Variants in SFI1 observed in about 807,000 individuals in gnomAD.
SFI1 encodes protein SFI1 homolog.
In SFI1, 195 loss-of-function variants were observed where a neutral mutation model predicts 207.5. The ratio of observed to expected loss-of-function variants is 0.94; its 90% CI spans 0.84 to 1.06. The LOEUF (loss-of-function observed/expected upper bound fraction) is 1.06, where lower values mean the gene tolerates loss of function less well. Ranked by LOEUF, SFI1 falls within the 50% of genes least tolerant of loss-of-function variation. The pLI, the probability that SFI1 is intolerant of heterozygous loss-of-function variation, is 0.00. For synonymous variants in SFI1, 630 were observed against 598.9 expected (o/e 1.05, Z -0.76); for missense variants, 1,634 against 1,588.0 (o/e 1.03, Z -0.49).
chr22:31,618,482 A>G lies in SFI1; in HGVS notation c.*64A>G, dbSNP rs2072231276. 1 of 1,398,352 alleles carries G rather than the reference A, an allele frequency of 7.2e-7. No individual in the cohort carries two copies. Among genetic ancestry groups the G allele is most frequent in the East Asian group, 2.6e-5 (1 of 38,960 alleles). The allele number at this position is 1,398,352 out of a possible 1,614,324, so 86.6% of individuals were successfully genotyped here. On this transcript the variant is annotated 3_prime_UTR_variant, in exon 33 of 33. Coordinates refer to ENST00000400288, the MANE Select transcript of SFI1 (RefSeq NM_001007467.3). ...GAGGCCTCAGGCCACCTCCAGGAAC[A>G]GAACACAGTTTTAAGTTTGATTTTT...
In SFI1 at chr22:31,508,273, A is replaced by G; in HGVS notation, c.-12A>G. 5.7e-6 allele frequency: 9 copies of G among 1,586,996 alleles called. No homozygotes were observed. The highest frequency in any genetic ancestry group is 6.1e-6 in the Non-Finnish European group (7 of 1,156,582). On this transcript the variant is annotated 5_prime_UTR_variant, in exon 2 of 33. Transcript: ENST00000400288. ...CTTGTAGTTAGAAGGGGAAGATAAA[A>G]GACTTTGATTCATGAAGAATCTGCT...
chr22:31,551,205 T>C (rs2060591646), intron 6 of SFI1, among the ~76,000 whole-genome samples: 1 of 152,214 alleles, frequency 6.6e-6, no homozygotes. Context: ...TGGTAAGACA[T>C]AGATAAGATC....
chr22:31,519,532 G>T (rs1043759503), intron 2 of SFI1, among the ~76,000 whole-genome samples: 12 of 151,988 alleles, frequency 7.9e-5, no homozygotes, highest in Non-Finnish European at 1.5e-4. Context: ...TGCCTCGTGG[G>T]TTCAAGCAAT....
At chr22:31,559,636 C>T in intron 7 of SFI1, 1 of 716,252 alleles carries the variant, frequency 1.4e-6, no homozygotes, top group South Asian at 1.4e-5. Flanking sequence ...ACGTTGACCT[C>T]ACCAAGTGGG....
intron 6 of SFI1, among the ~76,000 whole-genome samples, chr22:31,551,164 G>A (rs1235775574): frequency 2.0e-5 from 3 of 151,744 alleles, no homozygotes; most frequent in East Asian, 1.9e-4. Flanking sequence ...TTATTTTTTC[G>A]TGCTTCTCAT....
Position 31,604,374 on chromosome 22 carries a change from C to G in SFI1, c.1947C>G (p.Ser649Arg), listed in dbSNP as rs559858464. The change falls in exon 19 of 33, where the codon AGC (serine) becomes AGG (arginine). Residue 649 changes from serine (S) to arginine (R), a missense_variant. Coordinates refer to ENST00000400288, the MANE Select transcript of SFI1 (RefSeq NM_001007467.3). ...GAGCAGACCTGCACCACCAGCACAG[C>G]GTGCTGCACAGGGCGCTGCAGGCAT... ...LMRADLHHQH[S>R]VLHRALQAWV... 7.0e-6 allele frequency: 11 copies of G among 1,570,592 alleles called. No homozygotes were observed. The East Asian group carries it at 2.1e-4, about 30-fold the overall frequency.
intron 15 of SFI1, among the ~76,000 whole-genome samples, chr22:31,597,094 C>T (rs1262342507): frequency 6.6e-6 from 1 of 152,178 alleles, no homozygotes. Context: ...TGAAAACATG[C>T]ACACACAGTA....
chr22:31,509,911 A>ATATTTATT (rs560529392), intron 2 of SFI1, among the ~76,000 whole-genome samples: 1 of 151,384 alleles, frequency 6.6e-6, no homozygotes, highest in Non-Finnish European at 1.5e-5. Flanking sequence ...CATTGTTTTG[A>ATATTTATT]TATTTATTTA....
In SFI1 at chr22:31,502,240, A is replaced by G. The variant is rs1569152237; in HGVS notation, c.-31+5603A>G. On this transcript the variant is annotated intron_variant, in intron 1 of 32. Transcript: ENST00000400288. ...AGGAACTTAAATCTTGTTTGTATCA[A>G]CTACCTTTTATGGTAAAATTGGTCT... Among the ~76,000 whole-genome samples the G allele has an allele frequency of 3.9e-5, 6 of 152,200 alleles. No homozygotes were observed. The South Asian group carries it at 1.2e-3, about 31-fold the overall frequency.
At chr22:31,532,071 T>A (rs1456065164) in intron 4 of SFI1, among the ~76,000 whole-genome samples, 23 of 151,070 alleles carry the variant, frequency 1.5e-4, no homozygotes, top group Admixed American at 1.4e-3. Context: ...AAAAAAAAAA[T>A]AAATGAATAA....
rs572051655 is a variant in SFI1, at chr22:31,584,451, G to A, written c.1346+479G>A. Among the ~76,000 whole-genome samples, 6 of 152,230 alleles carry A rather than the reference G, an allele frequency of 3.9e-5. No individual in the cohort carries two copies. The South Asian group carries it at 6.2e-4, about 16-fold the overall frequency. ...TAAAGGGAAAAATAAAAGTTGCCTG[G>A]CCCCCTCCCTACAAGTAAGAGTAAG... On this transcript the variant is annotated intron_variant, in intron 13 of 32. Coordinates refer to ENST00000400288, the MANE Select transcript of SFI1 (RefSeq NM_001007467.3).
intron 2 of SFI1, among the ~76,000 whole-genome samples, chr22:31,528,333 A>G (rs1263149153): frequency 6.6e-6 from 1 of 151,094 alleles, no homozygotes; most frequent in East Asian, 2.0e-4. Flanking sequence ...CTGAGATGGG[A>G]GGATCACTTG....
Position 31,613,726 on chromosome 22 carries a change from A to G in SFI1, c.2867A>G (p.Glu956Gly), listed in dbSNP as rs1394160901. Reference sequence around the variant, plus strand: ...GCACCCAGCAGGAAAGTGACGTTTGAGGGTCCCCTTCTCAACCGCATTGCT... The same window carrying G: ...GCACCCAGCAGGAAAGTGACGTTTGGGGGTCCCCTTCTCAACCGCATTGCT... ...AIAPSRKVTF[E>G]GPLLNRIAAG... is the part of the protein sequence containing the mutation. The change falls in exon 27 of 33, where the codon GAG becomes GGG. Residue 956 changes from glutamate (E) to glycine (G), a missense_variant. By Grantham distance (98) the Glu-to-Gly change is moderately conservative. Coordinates refer to ENST00000400288, the MANE Select transcript of SFI1 (RefSeq NM_001007467.3). 1.4e-5 allele frequency: 23 copies of G among 1,613,112 alleles called. No homozygotes were observed. Among genetic ancestry groups the G allele is most frequent in the Non-Finnish European group, 1.9e-5 (23 of 1,179,938 alleles).
At chr22:31,611,431 G>A in intron 23 of SFI1, 128 bp downstream of exon 23, 1 of 1,234,628 alleles carries the variant, frequency 8.1e-7, no homozygotes, top group Non-Finnish European at 1.1e-6. Context: ...GTGGTGGGTG[G>A]TTTGGGGTCC....
At chr22:31,530,429 G>A (rs1283091580) in intron 3 of SFI1, among the ~76,000 whole-genome samples, 2 of 135,262 alleles carry the variant, frequency 1.5e-5, no homozygotes, top group Non-Finnish European at 3.1e-5. Context: ...GGCGGAGCTT[G>A]CAGTGAGCAG....
intron 7 of SFI1, among the ~76,000 whole-genome samples, chr22:31,558,369 A>G (rs2061369199): frequency 6.6e-6 from 1 of 152,170 alleles, no homozygotes; most frequent in African/African-American, 2.4e-5. Context: ...CTCTACACAC[A>G]AAAAATTTTT....
At chr22:31,511,536 C>T (rs1391487669) in intron 2 of SFI1, among the ~76,000 whole-genome samples, 1 of 143,722 alleles carries the variant, frequency 7.0e-6, no homozygotes, top group Non-Finnish European at 1.5e-5. Context: ...GGCGCGATCT[C>T]CGCTCACTGC....
chr22:31,613,269 C>T (rs2070714838), intron 25 of SFI1, 53 bp downstream of exon 25: 1 of 1,611,004 alleles, frequency 6.2e-7, no homozygotes. Flanking sequence ...GGCCTTAGCC[C>T]TGCCTTGGGT....
chr22:31,611,964 G>T, intron 24 of SFI1, 124 bp downstream of exon 24: 1 of 1,457,274 alleles, frequency 6.9e-7, no homozygotes, highest in Non-Finnish European at 9.1e-7. Context: ...CCCTCCCCAG[G>T]GCCACCTCCT....
Sources: allele counts gnomAD v4.1 joint callset (sites outside exome capture counted in the v4.1 genomes callset), GRCh38; gene constraint gnomAD v4.1.1; transcripts MANE v1.5; gene names NCBI Gene and HGNC (gene_info 2026-07-23, HGNC 2026-07-21).